ZNFX1: variants seen among roughly 807,000 people sequenced by gnomAD.
ZNFX1 encodes the protein NFX1-type zinc finger-containing protein 1.
A neutral mutation model predicts 179.8 loss-of-function variants in ZNFX1; 78 were observed. The observed-to-expected ratio is 0.43, with a 90% CI of 0.36 to 0.52. ZNFX1 has a LOEUF of 0.52. Ranked by LOEUF, ZNFX1 falls within the 20% of genes least tolerant of loss-of-function variation. The pLI is 0.00. For synonymous variants in ZNFX1, 848 were observed against 868.5 expected, an observed-to-expected ratio of 0.98 and a Z score of 0.42; for missense variants, 1,927 against 2,386.6, an observed-to-expected ratio of 0.81 and a Z score of 4.01.
intron 3 of ZNFX1, among the ~76,000 whole-genome samples, chr20:49,268,394 G>A (rs1179236968): frequency 6.6e-6 from 1 of 152,112 alleles, no homozygotes; most frequent in African/African-American, 2.4e-5. Context: ...CTATTACTAT[G>A]CATGACAATG....
chr20:49,250,956 G>T (rs373086929), intron 13 of ZNFX1, among the ~76,000 whole-genome samples: 1 of 152,124 alleles, frequency 6.6e-6, no homozygotes, highest in East Asian at 1.9e-4. Flanking sequence ...TGATTCGCCC[G>T]CCTCGGCCTC....
Position 49,247,182 on chromosome 20 carries a change from TAAA to T in ZNFX1, c.*82_*84del. On this transcript the variant is annotated 3_prime_UTR_variant, in exon 14 of 14. Transcript: ENST00000396105. ...GCGCCCAGCCTAAAAAGGATGATAA[TAAA>T]AAACAAACTTCAGTTCCTTCATTAG... 6.6e-7 allele frequency: 1 copy of T among 1,515,252 alleles called. No homozygotes were observed. The highest frequency in any genetic ancestry group is 8.8e-7 in the Non-Finnish European group (1 of 1,130,942). The allele number at this position is 1,515,252 out of a possible 1,614,324, so 93.9% of individuals were successfully genotyped here.
Position 49,270,530 on chromosome 20 carries a change from A to G in ZNFX1, c.1282T>C (p.Tyr428His), listed in dbSNP as rs1410332619. The G allele has an allele frequency of 1.1e-5, 18 of 1,614,138 alleles. No individual in the cohort carries two copies. Among genetic ancestry groups the G allele is most frequent in the Non-Finnish European group, 1.5e-5 (18 of 1,180,054 alleles). Residue 428 changes from tyrosine (Y) to histidine (H), a missense_variant, in exon 3 of 14, where the codon TAC becomes CAC. Tyr to His is a moderately conservative substitution (Grantham distance 83). Transcript: ENST00000396105. This position sits in a 1 kb window ranked among gnomAD's most constrained non-coding sequence, Gnocchi z 4.6. ...TPMCSSSGIV[Y>H]KVQFDTKPLK... Reference sequence around the variant, plus strand: ...GGTTTTGTGTCAAACTGCACCTTGTAGACTATGCCTGATGATGAACACATG... The same window carrying G: ...GGTTTTGTGTCAAACTGCACCTTGTGGACTATGCCTGATGATGAACACATG...
At chr20:49,250,879 T>G (rs2146728989) in intron 13 of ZNFX1, among the ~76,000 whole-genome samples, 3 of 152,140 alleles carry the variant, frequency 2.0e-5, no homozygotes, top group Admixed American at 2.0e-4. Context: ...CCCAGCTAAT[T>G]TTTGTATTTT....
Position 49,246,652 on chromosome 20 carries a change from A to C in ZNFX1, c.*615T>G. 2.9e-6 allele frequency: 1 copy of C among 342,350 alleles called. No homozygotes were observed. The allele number at this position is 342,350 out of a possible 1,614,324, so 21.2% of individuals were successfully genotyped here. On this transcript the variant is annotated 3_prime_UTR_variant, in exon 14 of 14. Transcript: ENST00000396105. ...ATGTAGAATAAACATCTGACCAAGTAAAGACCCAGAGATACCACTAGGTGG... is the reference window on the plus strand; with the variant it reads ...ATGTAGAATAAACATCTGACCAAGTCAAGACCCAGAGATACCACTAGGTGG...
Position 49,264,985 on chromosome 20 carries a change from G to A in ZNFX1, c.2003-121C>T. ...TTAGAGAATAAACTTGTGCTTAAAG[G>A]AAATTTACCCCATTAATGAGTGAGA... is the stretch of plus-strand genomic sequence containing the variant. On this transcript the variant is annotated intron_variant, in intron 4 of 13. Coordinates refer to ENST00000396105, the MANE Select transcript of ZNFX1 (RefSeq NM_021035.3). 2.9e-6 allele frequency: 4 copies of A among 1,364,680 alleles called. No homozygotes were observed. Among genetic ancestry groups the A allele is most frequent in the Non-Finnish European group, 3.0e-6 (3 of 985,726 alleles). The allele number at this position is 1,364,680 out of a possible 1,614,324, so 84.5% of individuals were successfully genotyped here.
chr20:49,253,862 C>T lies in ZNFX1; in HGVS notation c.2960-51G>A, dbSNP rs375883440. The T allele has an allele frequency of 6.9e-6, 11 of 1,603,638 alleles. No homozygotes were observed. The African/African-American group carries it at 1.2e-4, about 18-fold the overall frequency. On this transcript the variant is annotated intron_variant, in intron 10 of 13. Transcript: ENST00000396105. ...CTCCTCTGAGCTGAGGCACAGGACC[C>T]ACAGGGCCACTGGGCCTCTGGGAAT...
Position 49,269,960 on chromosome 20 carries a change from G to A in ZNFX1, c.1852C>T (p.Gln618Ter). Residue 618 changes from glutamine (Q) to a stop codon, truncating the protein, a stop_gained, in exon 3 of 14, where the codon CAA becomes TAA. Coordinates refer to ENST00000396105, the MANE Select transcript of ZNFX1 (RefSeq NM_021035.3). LOFTEE classifies it high-confidence loss of function. ...FALTRELAII[Q>*]GPPGTGKTYV... ...GTCTTACCTGTTCCAGGAGGTCCTT[G>A]AATAATAGCCAGTTCCCTTGTGAGA... The A allele has an allele frequency of 6.2e-7, 1 of 1,604,812 alleles. No individual in the cohort carries two copies. Among genetic ancestry groups the A allele is most frequent in the Non-Finnish European group, 8.5e-7 (1 of 1,177,092 alleles).
At chr20:49,265,430 C>T (rs1567865) in intron 4 of ZNFX1, among the ~76,000 whole-genome samples, 22,464 of 152,070 alleles carry the variant, frequency 0.15, 2,119 homozygotes, top group Non-Finnish European at 0.22. Flanking sequence ...ATAATTAATA[C>T]GGCAGCAATA....
At chr20:49,249,738 A>G (rs1360802737) in intron 13 of ZNFX1, 27 bp from the exon 14 acceptor site, 13 of 1,588,096 alleles carry the variant, frequency 8.2e-6, no homozygotes, top group Non-Finnish European at 9.4e-6. Context: ...GTGACATGTT[A>G]AAAGGTTCAC....
intron 13 of ZNFX1, 42 bp downstream of exon 13, chr20:49,251,485 T>A (rs779924062): frequency 6.4e-7 from 1 of 1,569,484 alleles, no homozygotes; most frequent in African/African-American, 1.4e-5. Flanking sequence ...CCTTTTTAGG[T>A]TGCTGACACC....
In ZNFX1 at chr20:49,270,385, T is replaced by C. The variant is rs903972895; in HGVS notation, c.1427A>G (p.Asp476Gly). The C allele has an allele frequency of 1.9e-5, 31 of 1,614,242 alleles. No individual in the cohort carries two copies. Among genetic ancestry groups the C allele is most frequent in the Non-Finnish European group, 2.3e-5 (27 of 1,180,050 alleles). ...GAGCTGGACAATTCCTCGGCAGAGA[T>C]CTTCCTGCTCCCTGTTAGATACGGT... Reference protein sequence around the residue: ...FATVSNREQEDLCRGIVQLCF... With the variant: ...FATVSNREQEGLCRGIVQLCF... The change falls in exon 3 of 14, where the codon GAT becomes GGT. Residue 476 changes from aspartate to glycine, a missense_variant. Physicochemically the swap from Asp to Gly is moderately conservative, Grantham distance 94 (BLOSUM62 -1). Coordinates refer to ENST00000396105, the MANE Select transcript of ZNFX1 (RefSeq NM_021035.3). The surrounding 1 kb of genome is among the most constrained non-coding windows in gnomAD (Gnocchi z 4.6).
At position 49,271,429 on chromosome 20, in the gene ZNFX1, C is replaced by T. The variant is rs141042434; in HGVS notation, c.383G>A (p.Arg128Gln). The T allele has an allele frequency of 1.5e-4, 241 of 1,613,954 alleles. 1 individual carries two copies. Among genetic ancestry groups the T allele is most frequent in the African/African-American group, 9.3e-5 (7 of 74,904 alleles). ...TTCTGTAGGCTTCTGGTGGGGAGTC[C>T]GCCACTGCTGGAAGTTGTCATTGGA... ...PWSNDNFQQW[R>Q]TPHQKPTEQP... Residue 128 changes from arginine to glutamine, a missense_variant, in exon 3 of 14, where the codon CGG becomes CAG. Transcript: ENST00000396105.
At position 49,267,833 on chromosome 20, in the gene ZNFX1, A is replaced by G. The variant is rs541793853; in HGVS notation, c.1871-1567T>C. On this transcript the variant is annotated intron_variant, in intron 3 of 13. Transcript: ENST00000396105. Reference sequence around the variant, plus strand: ...CATACTTCCCACCTCTTAAGAGGTTATTTAACCCTTCTTTGCCTTAGCTTT... The same window carrying G: ...CATACTTCCCACCTCTTAAGAGGTTGTTTAACCCTTCTTTGCCTTAGCTTT... Among the ~76,000 whole-genome samples, 311 of 151,628 alleles carry G rather than the reference A, an allele frequency of 2.1e-3. 1 individual carries two copies. Among genetic ancestry groups the G allele is most frequent in the Non-Finnish European group, 3.6e-3 (244 of 67,920 alleles).
chr20:49,265,150 TCA>T lies in ZNFX1; in HGVS notation c.2003-288_2003-287del, dbSNP rs376229499. The stretch of plus-strand genomic sequence containing the variant: ...TAACCTGGGGCAAGTGACTTGAGTC[TCA>T]GTTTCTCTGTCTGTGATTTAGAGAT... On this transcript the variant is annotated intron_variant, in intron 4 of 13. Coordinates refer to ENST00000396105, the MANE Select transcript of ZNFX1 (RefSeq NM_021035.3). 9.2e-5 allele frequency among the ~76,000 whole-genome samples: 14 copies of T among 152,330 alleles called. No individual in the cohort carries two copies. The South Asian group carries it at 1.9e-3, about 20-fold the overall frequency.
chr20:49,249,992 C>T (rs562584131), intron 13 of ZNFX1, among the ~76,000 whole-genome samples: 9 of 152,272 alleles, frequency 5.9e-5, no homozygotes, highest in African/African-American at 1.9e-4. Context: ...CAGTGGCTCA[C>T]GTCTGTAATC....
intron 13 of ZNFX1, among the ~76,000 whole-genome samples, chr20:49,250,590 G>A (rs974299897): frequency 1.9e-4 from 29 of 151,716 alleles, no homozygotes; most frequent in African/African-American, 6.3e-4. Context: ...CTCTTGTTGC[G>A]TAGGCTGAAG....
At position 49,264,803 on chromosome 20, in the gene ZNFX1, G is replaced by A; in HGVS notation, c.2064C>T (p.Ile688=). 6.2e-7 allele frequency: 1 copy of A among 1,614,166 alleles called. No homozygotes were observed. Among genetic ancestry groups the A allele is most frequent in the Non-Finnish European group, 8.5e-7 (1 of 1,180,034 alleles). The part of the protein sequence containing the change: ...VRVGGRSNSE[I]LKQFTLRELR... Reference sequence around the variant, plus strand: ...GCTCCCTTAGGGTGAACTGCTTCAGGATTTCACTGTTGCTCCTTCCACCCA... The same window carrying A: ...GCTCCCTTAGGGTGAACTGCTTCAGAATTTCACTGTTGCTCCTTCCACCCA... Residue 688 remains isoleucine (I), a synonymous_variant, in exon 5 of 14, where the codon ATC becomes ATT. Transcript: ENST00000396105.
At chr20:49,275,461 T>C (rs574862867) in intron 2 of ZNFX1, among the ~76,000 whole-genome samples, 1 of 152,230 alleles carries the variant, frequency 6.6e-6, no homozygotes, top group African/African-American at 2.4e-5. Flanking sequence ...ATCCTCCCAC[T>C]TCAGCCTCCC....
Sources: gnomAD v4.1 joint callset for allele counts (sites outside exome capture counted in the v4.1 genomes callset) on GRCh38, gnomAD v4.1.1 for gene constraint, Gnocchi (gnomAD v3.1) non-coding constraint, MANE v1.5 for transcripts, NCBI Gene and HGNC (gene_info 2026-07-23, HGNC 2026-07-21) for gene names.